Variants in SDR42E2 observed in about 807,000 individuals in gnomAD.
SDR42E2 encodes putative short-chain dehydrogenase/reductase family 42E member 2.
Under a neutral mutation model 10.5 loss-of-function variants are expected in SDR42E2, and 20 were observed. The observed-to-expected ratio is 1.90, with a 90% CI of 1.34 to 2.77. The LOEUF is 2.77. Among genes scored for constraint, SDR42E2 ranks in the 30% most tolerant of loss-of-function variants. The pLI, the probability that SDR42E2 is intolerant of heterozygous loss-of-function variation, is 0.00. For synonymous variants in SDR42E2, 72 were observed against 39.2 expected (o/e 1.84, Z -3.12); for missense variants, 162 against 104.2 (o/e 1.55, Z -2.42).
intron 1 of SDR42E2, among the ~76,000 whole-genome samples, chr16:22,165,100 G>T (rs1567235709): frequency 6.6e-6 from 1 of 151,518 alleles, no homozygotes; most frequent in East Asian, 1.9e-4. Flanking sequence ...TTGTTTGTTT[G>T]TTTTTGAGAC....
At chr16:22,175,568 ACCAC>A (rs2046638066) in intron 7 of SDR42E2, among the ~76,000 whole-genome samples, 5 of 148,232 alleles carry the variant, frequency 3.4e-5, no homozygotes, top group Admixed American at 3.4e-4. Flanking sequence ...TAGTCTCCCA[ACCAC>A]TTGGGAGACT....
rs564283250 is a variant in SDR42E2, at chr16:22,176,612, A to G, written c.590-1518A>G. 7.2e-5 allele frequency among the ~76,000 whole-genome samples: 11 copies of G among 152,346 alleles called. No homozygotes were observed. In the East Asian group the frequency reaches 2.1e-3, roughly 29 times the overall value. ...TTTATTTTATTTTTTAATAAATAGTAGAGACTCACTATGTTGCCCAGGCTG... is the reference window on the plus strand; with the variant it reads ...TTTATTTTATTTTTTAATAAATAGTGGAGACTCACTATGTTGCCCAGGCTG... On this transcript the variant is annotated intron_variant, in intron 7 of 12. Transcript: ENST00000602312.
intron 7 of SDR42E2, among the ~76,000 whole-genome samples, chr16:22,174,822 C>CT (rs1290695845): frequency 3.9e-5 from 6 of 152,136 alleles, no homozygotes; most frequent in African/African-American, 1.4e-4. Flanking sequence ...AATGCCCCGC[C>CT]TGCCAACGTC....
intron 1 of SDR42E2, among the ~76,000 whole-genome samples, chr16:22,164,990 G>A (rs1399012980): frequency 6.6e-6 from 1 of 152,172 alleles, no homozygotes; most frequent in Non-Finnish European, 1.5e-5. Flanking sequence ...GCGTGACTTT[G>A]GGCCTCAATT....
chr16:22,186,309 C>T (rs2046736458), intron 11 of SDR42E2, among the ~76,000 whole-genome samples: 2 of 151,764 alleles, frequency 1.3e-5, no homozygotes, highest in African/African-American at 2.4e-5. Flanking sequence ...TGGGTACAAG[C>T]GATTCTCCTG....
At position 22,166,389 on chromosome 16, in the gene SDR42E2, C is replaced by T. The variant is rs948382951; in HGVS notation, c.195C>T (p.Arg65=). The change falls in exon 3 of 13, where the codon CGC becomes CGT. Residue 65 remains arginine, a synonymous_variant. Coordinates refer to ENST00000602312, the MANE Select transcript of SDR42E2 (RefSeq NM_001394319.2). The part of the protein sequence containing the change: ...KSGTSVILLD[R]RRPQWELSPE... ...GCACTTCCGTCATTCTGCTTGACCGCCGCAGACCCCAGTGGGAACTGTCCC... is the reference window on the plus strand; with the variant it reads ...GCACTTCCGTCATTCTGCTTGACCGTCGCAGACCCCAGTGGGAACTGTCCC... The T allele has an allele frequency of 9.9e-6, 4 of 402,778 alleles. No individual in the cohort carries two copies. The highest frequency in any genetic ancestry group is 6.2e-5 in the African/African-American group (3 of 48,704). 25.0% of individuals were successfully genotyped at this position (402,778 alleles called of 1,614,324 possible).
Position 22,166,284 on chromosome 16 carries a change from G to A in SDR42E2, c.90G>A (p.Lys30=), listed in dbSNP as rs550904670. The change falls in exon 3 of 13, where the codon AAG becomes AAA. Residue 30 remains lysine (K), a synonymous_variant. Coordinates refer to ENST00000602312, the MANE Select transcript of SDR42E2 (RefSeq NM_001394319.2). The stretch of plus-strand genomic sequence containing the variant: ...AGAAGACTCAAGCCAAACCTACAAA[G>A]GCTGCCAGGCAGAAGGTTCTAGTGA... ...PQQKTQAKPT[K]AARQKVLVTG... 2 of 402,364 alleles carry A rather than the reference G, an allele frequency of 5.0e-6. No individual in the cohort carries two copies. Among genetic ancestry groups the A allele is most frequent in the South Asian group, 2.5e-4 (2 of 8,136 alleles). The allele number at this position is 402,364 out of a possible 1,614,324, so 24.9% of individuals were successfully genotyped here. A position where few individuals can be genotyped will look rare whatever the true frequency, so the allele number is the denominator to read the frequency against.
intron 1 of SDR42E2, among the ~76,000 whole-genome samples, chr16:22,164,497 T>G (rs1488855726): frequency 2.0e-5 from 3 of 152,252 alleles, no homozygotes; most frequent in Admixed American, 1.3e-4. Flanking sequence ...AGTTTGAAGC[T>G]GCAGTGAGCT....
At chr16:22,181,059 G>T (rs2046688546) in intron 8 of SDR42E2, among the ~76,000 whole-genome samples, 1 of 152,222 alleles carries the variant, frequency 6.6e-6, no homozygotes. Flanking sequence ...ACAGACTACA[G>T]GGGCTGAGGG....
At chr16:22,186,502 C>T (rs898938360) in intron 11 of SDR42E2, among the ~76,000 whole-genome samples, 2 of 152,236 alleles carry the variant, frequency 1.3e-5, no homozygotes, top group African/African-American at 4.8e-5. Context: ...CCACTGCACC[C>T]AGCCTGGTCA....
chr16:22,175,543 T>C (rs983156622), intron 7 of SDR42E2, among the ~76,000 whole-genome samples: 15 of 149,512 alleles, frequency 1.0e-4, no homozygotes, highest in African/African-American at 3.7e-4. Flanking sequence ...CTCCTTCCTT[T>C]TTTTTTTTTT....
intron 1 of SDR42E2, among the ~76,000 whole-genome samples, chr16:22,165,164 T>C (rs1274313552): frequency 6.6e-6 from 1 of 152,198 alleles, no homozygotes; most frequent in African/African-American, 2.4e-5. Context: ...CTCAGCTCAC[T>C]GCAACCTCCG....
At chr16:22,178,279 GCCCT>G (rs2046662775) in intron 8 of SDR42E2, 67 bp downstream of exon 8, 4 of 669,584 alleles carry the variant, frequency 6.0e-6, no homozygotes, top group Non-Finnish European at 1.1e-5. Context: ...CACTGGTCGG[GCCCT>G]CCCAGCCCCT....
Position 22,177,062 on chromosome 16 carries a change from G to A in SDR42E2, c.590-1068G>A, listed in dbSNP as rs765162190. On this transcript the variant is annotated intron_variant, in intron 7 of 12. Transcript: ENST00000602312. ...ACTGTTTGCCTTACTGCTGAGAAGC[G>A]GAGGTATTAGTGGAAACGGTGTGGA... 3.9e-5 allele frequency among the ~76,000 whole-genome samples: 6 copies of A among 152,196 alleles called. No individual in the cohort carries two copies. The East Asian group carries it at 7.7e-4, about 20-fold the overall frequency.
intron 1 of SDR42E2, 75 bp from the exon 2 acceptor site, chr16:22,165,472 A>G (rs755755777): frequency 1.0e-4 from 40 of 398,256 alleles, no homozygotes; most frequent in Non-Finnish European, 4.0e-5. Context: ...AGTTCCCCTC[A>G]GTCCTAGAGG....
At chr16:22,166,528 C>T in intron 3 of SDR42E2, 94 bp downstream of exon 3, 1 of 402,386 alleles carries the variant, frequency 2.5e-6, no homozygotes, top group Non-Finnish European at 4.4e-6. Context: ...TTTAGGGGCA[C>T]ACTGTTTGAA....
intron 7 of SDR42E2, among the ~76,000 whole-genome samples, chr16:22,174,986 T>C (rs2046632493): frequency 6.6e-6 from 1 of 152,014 alleles, no homozygotes; most frequent in Non-Finnish European, 1.5e-5. Flanking sequence ...TCCAAGCGGG[T>C]TCCTGAAACT....
chr16:22,176,707 G>A (rs1405539974), intron 7 of SDR42E2, among the ~76,000 whole-genome samples: 2 of 152,212 alleles, frequency 1.3e-5, no homozygotes, highest in Non-Finnish European at 2.9e-5. Flanking sequence ...ACAGGCGTGA[G>A]CCACTGCTCC....
rs2046701058 is a variant in SDR42E2 at position 22,182,204 on chromosome 16, C to T, written c.811-8C>T. The T allele has an allele frequency of 2.5e-6, 1 of 404,800 alleles. No individual in the cohort carries two copies. The highest frequency in any genetic ancestry group is 2.1e-5 in the African/African-American group (1 of 48,712). The allele number at this position is 404,800 out of a possible 1,614,324, so 25.1% of individuals were successfully genotyped here. On this transcript the variant is annotated splice_region_variant and splice_polypyrimidine_tract_variant and intron_variant, in intron 9 of 12. Transcript: ENST00000602312. ...GGCTGACCGTCCCCTCCCACATGTCCCCTTCAGAGTGGGCAGGCGTACTAC... is the reference window on the plus strand; with the variant it reads ...GGCTGACCGTCCCCTCCCACATGTCTCCTTCAGAGTGGGCAGGCGTACTAC...
Sources: gnomAD v4.1 joint callset for allele counts (sites outside exome capture counted in the v4.1 genomes callset) on GRCh38, gnomAD v4.1.1 for gene constraint, MANE v1.5 for transcripts, NCBI Gene and HGNC (gene_info 2026-07-23, HGNC 2026-07-21) for gene names.